ANAPC10: variants seen among roughly 807,000 people sequenced by gnomAD.
ANAPC10 encodes the protein anaphase-promoting complex subunit 10.
ANAPC10 carries 12 observed loss-of-function variants against 22.0 expected under a neutral mutation model. The observed-to-expected ratio is 0.55, with a 90% CI of 0.35 to 0.88. ANAPC10 has a LOEUF of 0.88. Among genes scored for constraint, ANAPC10 ranks in the 40% least tolerant of loss-of-function variants. ANAPC10 has a pLI of 0.01. For missense variants in ANAPC10, 188 were observed against 220.9 expected, an observed-to-expected ratio of 0.85 and a Z score of 0.94; for synonymous variants, 65 against 69.5, an observed-to-expected ratio of 0.94 and a Z score of 0.32.
chr4:145,049,279 A>C (rs998903933), intron 4 of ANAPC10, among the ~76,000 whole-genome samples: 18 of 152,362 alleles, frequency 1.2e-4, no homozygotes, highest in East Asian at 1.9e-4. Flanking sequence ...CAATTTCTTA[A>C]AATAACACTG....
intron 4 of ANAPC10, among the ~76,000 whole-genome samples, chr4:145,058,027 T>C (rs33998111): frequency 6.6e-6 from 1 of 152,204 alleles, no homozygotes; most frequent in Non-Finnish European, 1.5e-5. Context: ...GTGTTGATGT[T>C]TCCTCATTTA....
intron 3 of ANAPC10, among the ~76,000 whole-genome samples, chr4:145,076,304 T>A (rs1385017581): frequency 1.3e-5 from 2 of 152,152 alleles, no homozygotes; most frequent in Non-Finnish European, 2.9e-5. Flanking sequence ...GCCCTCTGGA[T>A]TACAGCATGC....
intron 4 of ANAPC10, among the ~76,000 whole-genome samples, chr4:145,013,090 T>A (rs532777081): frequency 6.6e-6 from 1 of 152,152 alleles, no homozygotes; most frequent in African/African-American, 2.4e-5. Flanking sequence ...TCCCCAGACA[T>A]GCTTCCTGTA....
intron 4 of ANAPC10, among the ~76,000 whole-genome samples, chr4:145,015,735 G>A (rs2126952242): frequency 6.6e-6 from 1 of 152,256 alleles, no homozygotes; most frequent in Non-Finnish European, 1.5e-5. Flanking sequence ...ATTAACAGCA[G>A]ATTTCTCAGC....
intron 4 of ANAPC10, among the ~76,000 whole-genome samples, chr4:145,046,387 T>C (rs998072561): frequency 1.3e-5 from 2 of 152,124 alleles, no homozygotes; most frequent in Non-Finnish European, 2.9e-5. Context: ...ATCCATATTA[T>C]AAAGTCAGCT....
chr4:145,093,679 A>G (rs193046943), intron 2 of ANAPC10, among the ~76,000 whole-genome samples: 175 of 152,280 alleles, frequency 1.1e-3, no homozygotes, highest in African/African-American at 3.9e-3. Flanking sequence ...TAAAAAATAT[A>G]ATATCACAGA....
At chr4:145,054,953 C>T (rs2126370820) in intron 4 of ANAPC10, among the ~76,000 whole-genome samples, 1 of 152,144 alleles carries the variant, frequency 6.6e-6, no homozygotes, top group East Asian at 1.9e-4. Flanking sequence ...ACCTTACCCA[C>T]CCTTTTCCAT....
intron 4 of ANAPC10, among the ~76,000 whole-genome samples, chr4:145,055,791 G>A (rs1741983790): frequency 6.6e-6 from 1 of 152,110 alleles, no homozygotes; most frequent in African/African-American, 2.4e-5. Flanking sequence ...TAATGACTAT[G>A]ATTTTTGGTT....
intron 4 of ANAPC10, among the ~76,000 whole-genome samples, chr4:145,061,720 T>C (rs1332383296): frequency 6.6e-6 from 1 of 152,198 alleles, no homozygotes; most frequent in East Asian, 1.9e-4. Flanking sequence ...GTGAAATTTT[T>C]AATAAAATAC....
chr4:145,065,976 A>G (rs1743613455), intron 3 of ANAPC10, among the ~76,000 whole-genome samples: 1 of 152,046 alleles, frequency 6.6e-6, no homozygotes, highest in East Asian at 1.9e-4. Context: ...TTTGGCCACC[A>G]GGAAAAAAAA....
intron 3 of ANAPC10, among the ~76,000 whole-genome samples, chr4:145,071,447 A>T (rs1212784271): frequency 6.6e-6 from 1 of 152,136 alleles, no homozygotes; most frequent in Non-Finnish European, 1.5e-5. Context: ...CAGTAAACTT[A>T]TATTTATATT....
chr4:145,043,400 G>C (rs1739806730), intron 4 of ANAPC10, among the ~76,000 whole-genome samples: 1 of 151,984 alleles, frequency 6.6e-6, no homozygotes, highest in Non-Finnish European at 1.5e-5. Context: ...TTCTACACTA[G>C]TCTTGGTTCA....
chr4:145,043,366 CCTTT>C (rs560925424), intron 4 of ANAPC10, among the ~76,000 whole-genome samples: 176 of 152,132 alleles, frequency 1.2e-3, no homozygotes, highest in African/African-American at 3.9e-3. Context: ...TCTAATTAAT[CCTTT>C]TTTTGTAAGT....
chr4:145,023,993 A>G (rs991178018), intron 4 of ANAPC10, among the ~76,000 whole-genome samples: 22 of 152,316 alleles, frequency 1.4e-4, no homozygotes, highest in African/African-American at 5.3e-4. Flanking sequence ...TTGATGTAAT[A>G]TTCTAAATCC....
intron 4 of ANAPC10, among the ~76,000 whole-genome samples, chr4:145,023,301 C>A (rs921050399): frequency 6.6e-6 from 1 of 152,120 alleles, no homozygotes. Flanking sequence ...CGTTAGCCTT[C>A]AGGAAGTATA....
intron 4 of ANAPC10, among the ~76,000 whole-genome samples, chr4:145,056,600 C>G (rs1364469341): frequency 6.6e-6 from 1 of 152,112 alleles, no homozygotes; most frequent in Non-Finnish European, 1.5e-5. Context: ...TTCTGGCGAC[C>G]ACTGAAGGGA....
chr4:145,047,148 G>A (rs1299268533), intron 4 of ANAPC10, among the ~76,000 whole-genome samples: 3 of 152,094 alleles, frequency 2.0e-5, no homozygotes, highest in Non-Finnish European at 2.9e-5. Context: ...CAGAGAAATT[G>A]TACTCTCTCT....
chr4:145,080,323 A>C (rs1579133850), intron 3 of ANAPC10, among the ~76,000 whole-genome samples: 1 of 152,148 alleles, frequency 6.6e-6, no homozygotes, highest in African/African-American at 2.4e-5. Context: ...ACAAACCTGC[A>C]CATGTACTCC....
At chr4:145,064,338 A>G in intron 4 of ANAPC10, 1 of 312,994 alleles carries the variant, frequency 3.2e-6, no homozygotes, top group Non-Finnish European at 5.8e-6. Context: ...TTCACTGTAC[A>G]ATTCTTTGAG....
Sources: allele counts gnomAD v4.1 joint callset (sites outside exome capture counted in the v4.1 genomes callset), GRCh38; gene constraint gnomAD v4.1.1; transcripts MANE v1.5; gene names NCBI Gene and HGNC (gene_info 2026-07-23, HGNC 2026-07-21).